The following HMGN5 variants were observed in gnomAD, a reference collection of about 807,000 sequenced individuals.
The protein encoded by HMGN5 is high mobility group nucleosome binding domain 5.
A neutral mutation model predicts 9.5 loss-of-function variants in HMGN5; 4 were observed. That is an observed-to-expected ratio of 0.42 (90% confidence interval 0.21 to 0.96). The LOEUF (loss-of-function observed/expected upper bound fraction) is 0.96. HMGN5 is among the 40% of genes least tolerant of loss of function. The pLI is 0.30. For missense variants in HMGN5, 192 were observed against 187.5 expected, an observed-to-expected ratio of 1.02 and a Z score of -0.14; for synonymous variants, 55 against 57.1, an observed-to-expected ratio of 0.96 and a Z score of 0.16.
At chrX:81,196,337 A>C (rs1359361482) in intron 1 of HMGN5, among the ~76,000 whole-genome samples, 1 of 109,674 alleles carries the variant, frequency 9.1e-6, no homozygotes, top group Non-Finnish European at 1.9e-5. Context: ...CCAAGACTCC[A>C]GACATTCTTA....
intron 1 of HMGN5, among the ~76,000 whole-genome samples, chrX:81,175,721 C>T (rs991220494): frequency 9.0e-6 from 1 of 111,450 alleles, no homozygotes; most frequent in Non-Finnish European, 1.9e-5. Context: ...GGCCAATAAT[C>T]TGTTATGGAG....
At chrX:81,128,492 T>G (rs2075290640) in intron 1 of HMGN5, among the ~76,000 whole-genome samples, 1 of 111,593 alleles carries the variant, frequency 9.0e-6, no homozygotes, top group African/African-American at 3.2e-5. Flanking sequence ...TTGTTTAGTC[T>G]ACTTCATATA....
intron 5 of HMGN5, among the ~76,000 whole-genome samples, chrX:81,116,574 T>A (rs1320633432): frequency 8.9e-6 from 1 of 111,795 alleles, no homozygotes; most frequent in Admixed American, 9.5e-5. Flanking sequence ...ACAAAATAAA[T>A]TTCCTTTTAA....
intron 1 of HMGN5, among the ~76,000 whole-genome samples, chrX:81,129,934 C>T (rs1401489216): frequency 8.9e-6 from 1 of 111,740 alleles, no homozygotes; most frequent in Non-Finnish European, 1.9e-5. Flanking sequence ...TTGTCACCTT[C>T]TCTACTTAAT....
chrX:81,196,154 C>T (rs763852009), intron 1 of HMGN5, among the ~76,000 whole-genome samples: 2 of 110,833 alleles, frequency 1.8e-5, no homozygotes, highest in Non-Finnish European at 3.8e-5. Flanking sequence ...CTCCAATGTG[C>T]GGTAATTTTG....
rs1294045034 is a variant in HMGN5, at chrX:81,121,444, T to A, written c.15+91A>T. The A allele has an allele frequency of 6.2e-6, 6 of 974,816 alleles. No individual in the cohort carries two copies. The Admixed American group carries it at 9.0e-5, about 15-fold the overall frequency. 80.3% of individuals were successfully genotyped at this position (974,816 alleles called of 1,213,427 possible). A position where few individuals can be genotyped will look rare whatever the true frequency, so the allele number is the denominator to read the frequency against. ...CAAAATGGAAGAAGCCAAAAAGCTT[T>A]AAAAAAAACCAAACAAACAAATAAA... On this transcript the variant is annotated intron_variant, in intron 2 of 6. Coordinates refer to ENST00000358130, the MANE Select transcript of HMGN5 (RefSeq NM_030763.3).
rs906149770 is a variant in HMGN5 at position 81,192,906 on chromosome X, C to T, written c.-124+8831G>A. ...TTTGCTACTCCTTTGATGGTAATACCTCTTTTTAATTTTTGTGTGCTTTTC... is the reference window on the plus strand; with the variant it reads ...TTTGCTACTCCTTTGATGGTAATACTTCTTTTTAATTTTTGTGTGCTTTTC... On this transcript the variant is annotated intron_variant, in intron 1 of 6. Coordinates refer to ENST00000358130, the MANE Select transcript of HMGN5 (RefSeq NM_030763.3). 2.7e-5 allele frequency among the ~76,000 whole-genome samples: 3 copies of T among 110,915 alleles called. No individual in the cohort carries two copies. The East Asian group carries it at 8.4e-4, about 31-fold the overall frequency.
intron 1 of HMGN5, among the ~76,000 whole-genome samples, chrX:81,192,741 G>C: frequency 8.9e-6 from 1 of 112,037 alleles, no homozygotes; most frequent in Non-Finnish European, 1.9e-5. Flanking sequence ...GTTGGCTTTA[G>C]ATTTCTATGC....
chrX:81,180,229 T>C lies in HMGN5; in HGVS notation c.-124+21508A>G, dbSNP rs758343820. On this transcript the variant is annotated intron_variant, in intron 1 of 6. Coordinates refer to ENST00000358130, the MANE Select transcript of HMGN5 (RefSeq NM_030763.3). ...GGATCTAATTAAACTAAAGAGCTTT[T>C]GCACAGCAAAAGAAACTACCATCAG... is the stretch of plus-strand genomic sequence containing the variant. Among the ~76,000 whole-genome samples the C allele has an allele frequency of 8.0e-3, 892 of 111,627 alleles. 1 individual carries two copies. The highest frequency in any genetic ancestry group is 0.014 in the Non-Finnish European group (744 of 53,078).
intron 1 of HMGN5, among the ~76,000 whole-genome samples, chrX:81,183,442 G>A (rs966111403): frequency 1.1e-5 from 1 of 87,448 alleles, no homozygotes; most frequent in Admixed American, 1.4e-4. Context: ...TATCCCAGCT[G>A]CTCCAATCCC....
At chrX:81,177,904 A>C (rs899718166) in intron 1 of HMGN5, among the ~76,000 whole-genome samples, 14 of 112,373 alleles carry the variant, frequency 1.2e-4, no homozygotes, top group African/African-American at 4.2e-4. Context: ...CTCACGATTA[A>C]GAAACTCACT....
At chrX:81,118,323 T>G in intron 5 of HMGN5, 109 bp downstream of exon 5, 1 of 449,792 alleles carries the variant, frequency 2.2e-6, no homozygotes, top group Non-Finnish European at 3.8e-6. Flanking sequence ...AATATATTAC[T>G]AACTGAACAA....
intron 1 of HMGN5, among the ~76,000 whole-genome samples, chrX:81,149,223 C>T (rs1719675262): frequency 9.0e-6 from 1 of 111,579 alleles, no homozygotes; most frequent in African/African-American, 3.3e-5. Flanking sequence ...GACTTGGAAC[C>T]AACCCAAATG....
chrX:81,116,502 A>G (rs944799947), intron 5 of HMGN5, among the ~76,000 whole-genome samples, 161 bp from the exon 6 acceptor site: 1 of 112,649 alleles, frequency 8.9e-6, no homozygotes, highest in African/African-American at 3.2e-5. Context: ...TAATATCTTC[A>G]TTGTAAATTT....
At chrX:81,127,378 T>C (rs1163649970) in intron 1 of HMGN5, among the ~76,000 whole-genome samples, 1 of 111,656 alleles carries the variant, frequency 9.0e-6, no homozygotes, top group East Asian at 2.8e-4. Flanking sequence ...TGATTAGAAA[T>C]AATCACCCTT....
Position 81,114,713 on chromosome X carries a change from CCTT to C in HMGN5, c.782_784del (p.Glu261del). 1 of 1,155,623 alleles carries C rather than the reference CCTT, an allele frequency of 8.7e-7. No homozygotes were observed. Among genetic ancestry groups the C allele is most frequent in the Non-Finnish European group, 1.2e-6 (1 of 868,351 alleles). On this transcript the variant is annotated inframe_deletion, in exon 7 of 7. Transcript: ENST00000358130. The stretch of plus-strand genomic sequence containing the variant: ...TTCTTTGATCTCATCTTCCTCTTTT[CCTT>C]CTTCCTCTTCTTTTAAATCTTCTTT...
intron 1 of HMGN5, among the ~76,000 whole-genome samples, chrX:81,164,604 TG>T (rs2075406189): frequency 8.9e-6 from 1 of 111,742 alleles, no homozygotes; most frequent in African/African-American, 3.2e-5. Flanking sequence ...TCTAATTTCT[TG>T]GTTGCTCTAT....
At chrX:81,162,377 A>C (rs1477766209) in intron 1 of HMGN5, among the ~76,000 whole-genome samples, 3 of 108,537 alleles carry the variant, frequency 2.8e-5, no homozygotes, top group Non-Finnish European at 5.7e-5. Flanking sequence ...AAAAAAAAAA[A>C]CCACTCAGCT....
chrX:81,147,566 C>T (rs751733897), intron 1 of HMGN5, among the ~76,000 whole-genome samples: 15 of 111,386 alleles, frequency 1.3e-4, no homozygotes, highest in East Asian at 8.5e-4. Context: ...CTTTGAAAAC[C>T]GGCACAAGAC....
Sources: gnomAD v4.1 joint callset for allele counts (sites outside exome capture counted in the v4.1 genomes callset) on GRCh38, gnomAD v4.1.1 for gene constraint, MANE v1.5 for transcripts, NCBI Gene and HGNC (gene_info 2026-07-23, HGNC 2026-07-21) for gene names.